The following TEAD4 variants were observed in gnomAD, a reference collection of about 807,000 sequenced individuals.
The protein encoded by TEAD4 is TEA domain transcription factor 4.
TEAD4 carries 36 observed loss-of-function variants against 52.4 expected under a neutral mutation model. The observed-to-expected ratio is 0.69, with a 90% CI of 0.53 to 0.91. The LOEUF (loss-of-function observed/expected upper bound fraction) is 0.91. TEAD4 is among the 40% of genes least tolerant of loss of function. The pLI is 0.00. For missense variants in TEAD4, 508 were observed against 583.9 expected (o/e 0.87, Z 1.34); for synonymous variants, 220 against 231.0 (o/e 0.95, Z 0.43).
At chr12:3,023,396 G>T (rs1013697230) in intron 10 of TEAD4, among the ~76,000 whole-genome samples, 1 of 152,076 alleles carries the variant, frequency 6.6e-6, no homozygotes, top group East Asian at 1.9e-4. Context: ...GTTCTGGAAT[G>T]AAAAATAAGT....
In TEAD4 at chr12:3,040,618, G is replaced by T; in HGVS notation, c.*140G>T. 1.4e-6 allele frequency: 1 copy of T among 735,612 alleles called. No homozygotes were observed. Among genetic ancestry groups the T allele is most frequent in the South Asian group, 1.8e-5 (1 of 56,872 alleles). The allele number at this position is 735,612 out of a possible 1,614,324, so 45.6% of individuals were successfully genotyped here. A position where few individuals can be genotyped will look rare whatever the true frequency, so the allele number is the denominator to read the frequency against. On this transcript the variant is annotated 3_prime_UTR_variant, in exon 13 of 13. Transcript: ENST00000359864. ...GTGACTCTACCCAGGAACAAACTGT[G>T]CCTGAACCTGAGGTGCCCAACCCCA... is the stretch of plus-strand genomic sequence containing the variant.
intron 10 of TEAD4, among the ~76,000 whole-genome samples, chr12:3,026,620 G>C (rs1295372168): frequency 6.6e-6 from 1 of 152,214 alleles, no homozygotes; most frequent in Admixed American, 6.5e-5. Flanking sequence ...CTTGCCGTAA[G>C]GAACCCGGGA....
chr12:2,979,295 A>G (rs564674960), intron 2 of TEAD4, among the ~76,000 whole-genome samples: 1 of 152,308 alleles, frequency 6.6e-6, no homozygotes, highest in Admixed American at 6.5e-5. Context: ...ATTGATGGAC[A>G]TTTGGGCTGC....
At chr12:3,033,650 C>T (rs944170987) in intron 10 of TEAD4, among the ~76,000 whole-genome samples, 3 of 152,218 alleles carry the variant, frequency 2.0e-5, no homozygotes, top group South Asian at 2.1e-4. Flanking sequence ...ACCCGGGCTG[C>T]GGCTGTCTCT....
intron 7 of TEAD4, 23 bp downstream of exon 7, chr12:3,018,611 C>A (rs375040100): frequency 5.9e-5 from 95 of 1,613,940 alleles, no homozygotes; most frequent in Non-Finnish European, 7.5e-5. Context: ...TCTGGTTTCT[C>A]TTGCCAGTTG....
intron 5 of TEAD4, among the ~76,000 whole-genome samples, chr12:3,015,202 A>G (rs2098263516): frequency 6.6e-6 from 1 of 151,524 alleles, no homozygotes; most frequent in Non-Finnish European, 1.5e-5. Flanking sequence ...ACAGTTCCCT[A>G]CTCCCCACCG....
At chr12:3,034,928 T>G (rs1032410211) in intron 10 of TEAD4, among the ~76,000 whole-genome samples, 5 of 141,176 alleles carry the variant, frequency 3.5e-5, no homozygotes, top group Non-Finnish European at 1.5e-5. Context: ...ACCCCACCTC[T>G]ACTAAAAAAA....
intron 8 of TEAD4, among the ~76,000 whole-genome samples, 183 bp downstream of exon 8, chr12:3,019,353 C>T (rs779382944): frequency 3.0e-4 from 45 of 152,358 alleles, no homozygotes; most frequent in Middle Eastern, 6.8e-3. Flanking sequence ...ACACCTCAGC[C>T]GTGTGCCAAG....
At chr12:2,968,710 G>A (rs779968537) in intron 2 of TEAD4, among the ~76,000 whole-genome samples, 14 of 151,874 alleles carry the variant, frequency 9.2e-5, no homozygotes, top group Non-Finnish European at 1.9e-4. Context: ...GTGCAGTGGT[G>A]TGATCATAGC....
chr12:3,003,637 C>A (rs1489635378), intron 3 of TEAD4, among the ~76,000 whole-genome samples: 1 of 152,156 alleles, frequency 6.6e-6, no homozygotes. Flanking sequence ...GCAGCCTTCG[C>A]CCCCGGTGGG....
Position 3,020,620 on chromosome 12 carries a change from C to A in TEAD4, c.584-14C>A. ...CCGTGACCAGGTTCCATGTGCCTTTCTCACTTTGTGCAGGGTTTGAGTCTC... is the reference window on the plus strand; with the variant it reads ...CCGTGACCAGGTTCCATGTGCCTTTATCACTTTGTGCAGGGTTTGAGTCTC... On this transcript the variant is annotated splice_polypyrimidine_tract_variant and intron_variant, in intron 8 of 12. Transcript: ENST00000359864. 6.6e-7 allele frequency: 1 copy of A among 1,523,308 alleles called. No homozygotes were observed. The highest frequency in any genetic ancestry group is 2.1e-5 in the Admixed American group (1 of 48,752). The allele number at this position is 1,523,308 out of a possible 1,614,324, so 94.4% of individuals were successfully genotyped here.
chr12:2,976,892 C>T (rs1006114234), intron 2 of TEAD4, among the ~76,000 whole-genome samples: 1 of 152,180 alleles, frequency 6.6e-6, no homozygotes, highest in Non-Finnish European at 1.5e-5. Context: ...TGAGCTGCCC[C>T]TCCCACTGGA....
intron 2 of TEAD4, among the ~76,000 whole-genome samples, chr12:2,985,531 A>C (rs1290660375): frequency 2.5e-5 from 2 of 81,046 alleles, no homozygotes; most frequent in African/African-American, 5.0e-5. Context: ...TTTGAGACGG[A>C]GTCTCATTCT....
intron 2 of TEAD4, among the ~76,000 whole-genome samples, chr12:2,976,478 T>G (rs545183665): frequency 1.3e-5 from 2 of 152,328 alleles, no homozygotes; most frequent in African/African-American, 4.8e-5. Flanking sequence ...TGCCTTCCTC[T>G]GGGTACCTGT....
chr12:2,985,127 G>C (rs1243796145), intron 2 of TEAD4, among the ~76,000 whole-genome samples: 10 of 152,132 alleles, frequency 6.6e-5, no homozygotes, highest in African/African-American at 2.4e-4. Context: ...CCTCACGCCT[G>C]TAATCCCAGC....
At position 2,959,497 on chromosome 12, in the gene TEAD4, G is replaced by A. The variant is rs1219635193; in HGVS notation, c.-123+16G>A. 1 of 146,808 alleles carries A rather than the reference G, an allele frequency of 6.8e-6. No homozygotes were observed. 9.1% of individuals were successfully genotyped at this position (146,808 alleles called of 1,614,324 possible). A position where few individuals can be genotyped will look rare whatever the true frequency, so the allele number is the denominator to read the frequency against. ...GTCCCGCCAGGTGAGAGGCGCCCGC[G>A]CCCGCCGCACCCGCCGGCGCCCTCA... On this transcript the variant is annotated intron_variant, in intron 1 of 12. Coordinates refer to ENST00000359864, the MANE Select transcript of TEAD4 (RefSeq NM_003213.4). This position sits in a 1 kb window ranked among gnomAD's most constrained non-coding sequence, Gnocchi z 5.1.
rs201726125 is a variant in TEAD4 at position 3,040,499 on chromosome 12, G to T, written c.*21G>T. 2.2e-5 allele frequency: 36 copies of T among 1,609,610 alleles called. No individual in the cohort carries two copies. Among genetic ancestry groups the T allele is most frequent in the South Asian group, 4.4e-5 (4 of 90,878 alleles). On this transcript the variant is annotated 3_prime_UTR_variant, in exon 13 of 13. Coordinates refer to ENST00000359864, the MANE Select transcript of TEAD4 (RefSeq NM_003213.4). Reference sequence around the variant, plus strand: ...AATGAGAGACTCGGGGAGCAGGGAGGGGGGAAGAGACGTGTGTGCAGGAAA... The same window carrying T: ...AATGAGAGACTCGGGGAGCAGGGAGTGGGGAAGAGACGTGTGTGCAGGAAA...
At chr12:2,970,826 C>T (rs988934607) in intron 2 of TEAD4, among the ~76,000 whole-genome samples, 4 of 152,254 alleles carry the variant, frequency 2.6e-5, no homozygotes, top group African/African-American at 9.6e-5. Context: ...GAAGCAAAAG[C>T]ATCCTCGGAA....
chr12:3,036,959 G>A (rs2153958709), intron 10 of TEAD4, among the ~76,000 whole-genome samples: 1 of 152,294 alleles, frequency 6.6e-6, no homozygotes. Context: ...TGTTGGGCAA[G>A]GCTAACAGTC....
Sources: gnomAD v4.1 joint callset for allele counts (sites outside exome capture counted in the v4.1 genomes callset) on GRCh38, gnomAD v4.1.1 for gene constraint, Gnocchi (gnomAD v3.1) non-coding constraint, MANE v1.5 for transcripts, NCBI Gene and HGNC (gene_info 2026-07-23, HGNC 2026-07-21) for gene names.